The following FRMD4B variants were observed in gnomAD, a reference collection of about 807,000 sequenced individuals.
FRMD4B encodes the protein FERM domain-containing protein 4B.
A neutral mutation model predicts 141.5 loss-of-function variants in FRMD4B; 74 were observed. The observed-to-expected ratio is 0.52, with a 90% CI of 0.43 to 0.63. The LOEUF is 0.63. FRMD4B is among the 30% of genes least tolerant of loss of function. The probability of loss-of-function intolerance (pLI) is 0.00; values close to 1 mark genes in which losing one functional copy is unlikely to be tolerated. For synonymous variants in FRMD4B, 506 were observed against 467.9 expected, an observed-to-expected ratio of 1.08 and a Z score of -1.05; for missense variants, 1,366 against 1,253.4, an observed-to-expected ratio of 1.09 and a Z score of -1.36.
At chr3:69,359,233 A>C (rs903286192) in intron 1 of FRMD4B, among the ~76,000 whole-genome samples, 3 of 152,274 alleles carry the variant, frequency 2.0e-5, no homozygotes, top group Admixed American at 6.5e-5. Flanking sequence ...AGGACATGAT[A>C]AAGAGGGGTG....
At chr3:69,380,859 G>A (rs965862794) in intron 1 of FRMD4B, among the ~76,000 whole-genome samples, 2 of 152,180 alleles carry the variant, frequency 1.3e-5, no homozygotes, top group Non-Finnish European at 2.9e-5. Context: ...AATAAACTGA[G>A]GGTTTTGTTA....
intron 1 of FRMD4B, among the ~76,000 whole-genome samples, chr3:69,498,784 T>C (rs1257266663): frequency 6.6e-6 from 1 of 152,180 alleles, no homozygotes; most frequent in Admixed American, 6.5e-5. Context: ...TCACAGGCAC[T>C]CATTATTATT....
At chr3:69,338,414 A>G (rs950410090) in intron 1 of FRMD4B, among the ~76,000 whole-genome samples, 1 of 152,148 alleles carries the variant, frequency 6.6e-6, no homozygotes, top group African/African-American at 2.4e-5. Flanking sequence ...TATGTAACAA[A>G]CCTGCACGTT....
chr3:69,229,512 A>C (rs1326262422), intron 7 of FRMD4B, among the ~76,000 whole-genome samples: 2 of 152,178 alleles, frequency 1.3e-5, no homozygotes, highest in African/African-American at 4.8e-5. Flanking sequence ...CGATATTTGA[A>C]GTGGTTGAGC....
Position 69,168,807 on chromosome 3 carries a change from T to G in FRMD4B, c.*3054A>C, listed in dbSNP as rs1055268188. Among the ~76,000 whole-genome samples the G allele has an allele frequency of 1.2e-4, 19 of 152,162 alleles. No homozygotes were observed. Among genetic ancestry groups the G allele is most frequent in the Admixed American group, 7.9e-4 (12 of 15,286 alleles). ...TTTAAAACAATTCCGGAATCTTTAT[T>G]TCTTGTAATATTTAAGCTTTTGTGA... On this transcript the variant is annotated 3_prime_UTR_variant, in exon 23 of 23. Coordinates refer to ENST00000398540, the MANE Select transcript of FRMD4B (RefSeq NM_015123.3).
chr3:69,224,913 A>C (rs2093235879), intron 7 of FRMD4B, among the ~76,000 whole-genome samples: 1 of 152,206 alleles, frequency 6.6e-6, no homozygotes, highest in Non-Finnish European at 1.5e-5. Flanking sequence ...TCTATTTTAC[A>C]CGTAACTATG....
At chr3:69,514,686 T>TAAA (rs552059195) in intron 1 of FRMD4B, among the ~76,000 whole-genome samples, 423 of 143,156 alleles carry the variant, frequency 3.0e-3, no homozygotes, top group Non-Finnish European at 4.9e-3. Flanking sequence ...AGACTCCATC[T>TAAA]TAAATAAATA....
intron 11 of FRMD4B, among the ~76,000 whole-genome samples, chr3:69,212,994 T>C (rs1486418760): frequency 6.6e-6 from 1 of 152,186 alleles, no homozygotes; most frequent in Non-Finnish European, 1.5e-5. Context: ...TATTATGCTC[T>C]GCAAACTCTC....
chr3:69,181,664 C>G lies in FRMD4B; in HGVS notation c.2086G>C (p.Glu696Gln), dbSNP rs1313628068. The G allele has an allele frequency of 6.2e-7, 1 of 1,613,636 alleles. No homozygotes were observed. The highest frequency in any genetic ancestry group is 1.7e-5 in the Admixed American group (1 of 59,994). The change falls in exon 21 of 23, where the codon GAG (glutamate) becomes CAG (glutamine). Residue 696 changes from glutamate to glutamine, a missense_variant. Coordinates refer to ENST00000398540, the MANE Select transcript of FRMD4B (RefSeq NM_015123.3). ...QHCRQRSGSLESQSHLLSEMD... is the reference protein window; with the variant it reads ...QHCRQRSGSLQSQSHLLSEMD... ...TCGGAGAGCAGGTGGGACTGGGACT[C>G]CAGGCTTCCACTCCGCTGGCGGCAG... is the stretch of plus-strand genomic sequence containing the variant.
Position 69,414,325 on chromosome 3 carries a change from A to G in FRMD4B, c.-1+18309T>C, listed in dbSNP as rs4855402. 6.1e-3 allele frequency among the ~76,000 whole-genome samples: 922 copies of G among 152,302 alleles called. 34 individuals carry two copies. Among genetic ancestry groups the G allele is most frequent in the Admixed American group, 0.055 (838 of 15,298 alleles). On this transcript the variant is annotated intron_variant, in intron 2 of 5. Transcript: ENST00000459638. ...TCCGTCAAGCAGATGAGTAGCACAG[A>G]TCAGACATGGGGAAGGAAAAAAACC...
At chr3:69,380,404 C>G (rs1704085252) in intron 1 of FRMD4B, among the ~76,000 whole-genome samples, 1 of 152,194 alleles carries the variant, frequency 6.6e-6, no homozygotes, top group Non-Finnish European at 1.5e-5. Context: ...CCTAGCTACC[C>G]TCTATCAAGT....
intron 2 of FRMD4B, among the ~76,000 whole-genome samples, chr3:69,403,777 TC>T (rs1348905504): frequency 6.6e-6 from 1 of 152,030 alleles, no homozygotes; most frequent in Non-Finnish European, 1.5e-5. Context: ...CTATCTCTAT[TC>T]CAAAAGTGTG....
intron 1 of FRMD4B, among the ~76,000 whole-genome samples, chr3:69,378,553 AC>A (rs1424309249): frequency 6.6e-6 from 1 of 152,048 alleles, no homozygotes; most frequent in Non-Finnish European, 1.5e-5. Context: ...GCCATGGCTA[AC>A]CCCATTTATG....
At chr3:69,282,759 T>A (rs1233497175) in intron 5 of FRMD4B, among the ~76,000 whole-genome samples, 1 of 152,046 alleles carries the variant, frequency 6.6e-6, no homozygotes, top group African/African-American at 2.4e-5. Context: ...TGCCTCAGCC[T>A]CCGGAGTAGG....
chr3:69,355,481 T>C (rs1575760638), intron 1 of FRMD4B, among the ~76,000 whole-genome samples: 1 of 152,216 alleles, frequency 6.6e-6, no homozygotes, highest in East Asian at 1.9e-4. Flanking sequence ...CTTACTGGGT[T>C]GGAGAGTCGA....
intron 21 of FRMD4B, among the ~76,000 whole-genome samples, 194 bp downstream of exon 21, chr3:69,180,705 A>T (rs1051911470): frequency 6.6e-6 from 1 of 152,164 alleles, no homozygotes; most frequent in Non-Finnish European, 1.5e-5. Context: ...CATTAGACTC[A>T]TGTGTACTGA....
chr3:69,206,673 G>A (rs1481583171), intron 11 of FRMD4B, among the ~76,000 whole-genome samples: 1 of 152,076 alleles, frequency 6.6e-6, no homozygotes, highest in Non-Finnish European at 1.5e-5. Context: ...CCCTTCTTGT[G>A]GTTTTGTACC....
chr3:69,429,750 CTTTTT>C (rs60665985), intron 2 of FRMD4B, among the ~76,000 whole-genome samples: 850 of 79,514 alleles, frequency 0.011, 9 homozygotes, highest in African/African-American at 0.04. Flanking sequence ...GAGACCTCTT[CTTTTT>C]TTTTTTTTTT....
chr3:69,288,020 C>A (rs1211012174), intron 4 of FRMD4B, among the ~76,000 whole-genome samples, 184 bp from the exon 5 acceptor site: 1 of 152,126 alleles, frequency 6.6e-6, no homozygotes, highest in Non-Finnish European at 1.5e-5. Context: ...TGTATGTATA[C>A]CTAAAATCTC....
Sources: gnomAD v4.1 joint callset for allele counts (sites outside exome capture counted in the v4.1 genomes callset) on GRCh38, gnomAD v4.1.1 for gene constraint, MANE v1.5 for transcripts, NCBI Gene and HGNC (gene_info 2026-07-23, HGNC 2026-07-21) for gene names.